The following LMTK2 variants were observed in gnomAD, a reference collection of about 807,000 sequenced individuals.
LMTK2 encodes the protein serine/threonine-protein kinase LMTK2.
In LMTK2, 37 loss-of-function variants were observed where a neutral mutation model predicts 127.5. The observed-to-expected ratio is 0.29, with a 90% CI of 0.22 to 0.38. The LOEUF (loss-of-function observed/expected upper bound fraction) is 0.38. LMTK2 is among the 10% of genes least tolerant of loss of function. LMTK2 has a pLI of 1.00. For synonymous variants in LMTK2, 819 were observed against 810.1 expected (o/e 1.01, Z -0.19); for missense variants, 1,694 against 1,920.3 (o/e 0.88, Z 2.20).
chr7:98,107,167 C>G lies in LMTK2; in HGVS notation c.-11C>G. 1 of 1,435,472 alleles carries G rather than the reference C, an allele frequency of 7.0e-7. No individual in the cohort carries two copies. Among genetic ancestry groups the G allele is most frequent in the Non-Finnish European group, 9.1e-7 (1 of 1,102,756 alleles). 88.9% of individuals were successfully genotyped at this position (1,435,472 alleles called of 1,614,324 possible). On this transcript the variant is annotated 5_prime_UTR_variant, in exon 1 of 14. Coordinates refer to ENST00000297293, the MANE Select transcript of LMTK2 (RefSeq NM_014916.4). ...CTCGAGGGCCGGCCCCGGAGCCGCG[C>G]CGTGGGCGAGATGCCGGGGCCGCCG...
chr7:98,181,142 G>GTCTC (rs147773328), intron 7 of LMTK2, among the ~76,000 whole-genome samples: 8,888 of 152,266 alleles, frequency 0.058, 597 homozygotes, highest in East Asian at 0.33. Flanking sequence ...AACTTAGCTT[G>GTCTC]TGTTTCTTGA....
intron 9 of LMTK2, among the ~76,000 whole-genome samples, chr7:98,189,007 TTCTG>T (rs1326245661): frequency 1.3e-5 from 2 of 152,216 alleles, no homozygotes; most frequent in Non-Finnish European, 2.9e-5. Context: ...CTTTTCATTC[TTCTG>T]TCTTTTTCCC....
Position 98,190,850 on chromosome 7 carries a change from A to G in LMTK2, c.1121A>G (p.Gln374Arg). 1 of 1,614,162 alleles carries G rather than the reference A, an allele frequency of 6.2e-7. No homozygotes were observed. The highest frequency in any genetic ancestry group is 8.5e-7 in the Non-Finnish European group (1 of 1,180,022). ...AGAGACACAAAACTCCCGAAGCCCC[A>G]GCTGGAGCAGCCCTACTCTGATAGA... ...RERDTKLPKPQLEQPYSDRWY... is the reference protein window; with the variant it reads ...RERDTKLPKPRLEQPYSDRWY... Residue 374 changes from glutamine (Q) to arginine (R), a missense_variant, in exon 10 of 14, where the codon CAG becomes CGG. Around this residue, in one of 8 missense-constraint regions of LMTK2, gnomAD observed 216 missense variants for 266.8 expected, o/e 0.81. Transcript: ENST00000297293.
intron 9 of LMTK2, among the ~76,000 whole-genome samples, chr7:98,187,466 CT>C (rs979400558): frequency 1.4e-4 from 21 of 147,972 alleles, no homozygotes; most frequent in Middle Eastern, 7.0e-3. Context: ...TGTTGTCCTG[CT>C]TTTTTTTTTC....
intron 1 of LMTK2, among the ~76,000 whole-genome samples, chr7:98,111,166 C>G (rs1374316222): frequency 6.6e-6 from 1 of 152,194 alleles, no homozygotes; most frequent in Non-Finnish European, 1.5e-5. Flanking sequence ...AGCTGATTAG[C>G]ACTGAAGTTA....
intron 8 of LMTK2, among the ~76,000 whole-genome samples, chr7:98,185,387 G>A (rs1204252094): frequency 6.6e-6 from 1 of 152,210 alleles, no homozygotes; most frequent in East Asian, 1.9e-4. Context: ...TGTAAATGAT[G>A]TAGTCTGATG....
chr7:98,107,940 C>A (rs1404879754), intron 1 of LMTK2, among the ~76,000 whole-genome samples: 1 of 152,042 alleles, frequency 6.6e-6, no homozygotes, highest in South Asian at 2.1e-4. Flanking sequence ...TTTTCTCCCC[C>A]CCCGCCCATT....
intron 2 of LMTK2, among the ~76,000 whole-genome samples, chr7:98,140,188 CTTTCTGTCT>C (rs1304858814): frequency 1.9e-4 from 1 of 5,300 alleles, no homozygotes; most frequent in African/African-American, 7.6e-4. Flanking sequence ...TTTCTTTCTT[CTTTCTGTCT>C]TTGAGATGGT....
chr7:98,202,210 T>A (rs1448784332), intron 11 of LMTK2, among the ~76,000 whole-genome samples: 3 of 152,202 alleles, frequency 2.0e-5, no homozygotes, highest in East Asian at 1.9e-4. Flanking sequence ...TCCATTATGC[T>A]GTTGAGCCCA....
At chr7:98,169,974 G>A (rs555618146) in intron 6 of LMTK2, among the ~76,000 whole-genome samples, 2 of 152,342 alleles carry the variant, frequency 1.3e-5, no homozygotes, top group East Asian at 3.9e-4. Flanking sequence ...CATGACGCTT[G>A]GGAGACCCCA....
chr7:98,202,937 C>T (rs971560831), intron 11 of LMTK2, among the ~76,000 whole-genome samples: 3 of 152,156 alleles, frequency 2.0e-5, no homozygotes, highest in Admixed American at 2.0e-4. Flanking sequence ...CAATCGCACG[C>T]GCATCTGGAG....
At chr7:98,114,853 A>ATT (rs936516245) in intron 1 of LMTK2, among the ~76,000 whole-genome samples, 4 of 151,496 alleles carry the variant, frequency 2.6e-5, no homozygotes, top group Non-Finnish European at 5.9e-5. Flanking sequence ...CCATCTTTTT[A>ATT]TTTTTTTTAA....
intron 3 of LMTK2, among the ~76,000 whole-genome samples, chr7:98,142,023 T>A (rs925157501): frequency 2.6e-5 from 4 of 152,136 alleles, no homozygotes; most frequent in African/African-American, 9.7e-5. Context: ...ACTAGAAAAA[T>A]AGAATGTGAC....
chr7:98,109,743 CAAAAAAAAAAA>C (rs1156337163), intron 1 of LMTK2, among the ~76,000 whole-genome samples: 1 of 53,304 alleles, frequency 1.9e-5, no homozygotes, highest in East Asian at 4.1e-4. Flanking sequence ...GACTCCGTCT[CAAAAAAAAAAA>C]AAAAAAAAAG....
intron 9 of LMTK2, 34 bp from the exon 10 acceptor site, chr7:98,190,688 CTAAAGG>C: frequency 6.2e-7 from 1 of 1,610,030 alleles, no homozygotes; most frequent in Non-Finnish European, 8.5e-7. Flanking sequence ...AATTTGACAT[CTAAAGG>C]GAGAGAGAAA....
intron 1 of LMTK2, among the ~76,000 whole-genome samples, chr7:98,121,960 A>C (rs574183026): frequency 6.6e-6 from 1 of 152,016 alleles, no homozygotes; most frequent in Non-Finnish European, 1.5e-5. Flanking sequence ...GCACCTCTGC[A>C]CTCCAGCCTG....
intron 1 of LMTK2, among the ~76,000 whole-genome samples, chr7:98,134,668 AAAG>A (rs1435092331): frequency 6.0e-4 from 91 of 152,204 alleles, no homozygotes; most frequent in African/African-American, 1.8e-3. Flanking sequence ...AAAAAAAAAA[AAAG>A]AAGAAGAAAT....
At position 98,171,655 on chromosome 7, in the gene LMTK2, A is replaced by G. The variant is rs142010509; in HGVS notation, c.772A>G (p.Lys258Glu). The change falls in exon 7 of 14, where the codon AAG (lysine) becomes GAG (glutamate). Residue 258 changes from lysine (K) to glutamate (E), a missense_variant. This residue lies in a region of LMTK2 where 203 missense variants were observed against 226.2 expected (regional missense o/e 0.90). Transcript: ENST00000297293. The surrounding 1 kb of genome is among the most constrained non-coding windows in gnomAD (Gnocchi z 5.1). ...CGCCGCGGGGCTGGCCGCCATGCAC[A>G]AGCTGCACTTCCTGCACAGGTGGGT... ...EVAAGLAAMHKLHFLHSDLAL... is the reference protein window; with the variant it reads ...EVAAGLAAMHELHFLHSDLAL... 8.8e-6 allele frequency: 14 copies of G among 1,595,288 alleles called. No individual in the cohort carries two copies. The highest frequency in any genetic ancestry group is 1.2e-5 in the Non-Finnish European group (14 of 1,171,100).
At position 98,127,533 on chromosome 7, in the gene LMTK2, C is replaced by T. The variant is rs186880399; in HGVS notation, c.104-9782C>T. ...GGGTCTGGGCAAAACAGAAAACAGG[C>T]GAGATGTGTAAGGACCTGGCCCTTG... On this transcript the variant is annotated intron_variant, in intron 1 of 13. Coordinates refer to ENST00000297293, the MANE Select transcript of LMTK2 (RefSeq NM_014916.4). 6.0e-3 allele frequency among the ~76,000 whole-genome samples: 914 copies of T among 152,274 alleles called. 5 individuals carry two copies. Among genetic ancestry groups the T allele is most frequent in the Middle Eastern group, 0.014 (4 of 294 alleles).
Sources: gnomAD v4.1 joint callset for allele counts (sites outside exome capture counted in the v4.1 genomes callset) on GRCh38, gnomAD v4.1.1 for gene constraint, gnomAD v4.1.1 regional missense constraint, Gnocchi (gnomAD v3.1) non-coding constraint, MANE v1.5 for transcripts, NCBI Gene and HGNC (gene_info 2026-07-23, HGNC 2026-07-21) for gene names.